The following FAM135B variants were observed in gnomAD, a reference collection of about 807,000 sequenced individuals.
FAM135B encodes protein FAM135B.
FAM135B carries 43 observed loss-of-function variants against 127.7 expected under a neutral mutation model. The ratio of observed to expected loss-of-function variants is 0.34; its 90% CI spans 0.26 to 0.43. The LOEUF is 0.43. Ranked by LOEUF, FAM135B falls within the 20% of genes least tolerant of loss-of-function variation. The pLI is 1.00. For missense variants in FAM135B, 1,558 were observed against 1,725.6 expected, an observed-to-expected ratio of 0.90 and a Z score of 1.72; for synonymous variants, 670 against 665.1, an observed-to-expected ratio of 1.01 and a Z score of -0.11.
chr8:138,344,573 CTTTCTT>C (rs1361669133), intron 2 of FAM135B, among the ~76,000 whole-genome samples: 63 of 113,576 alleles, frequency 5.5e-4, no homozygotes, highest in Non-Finnish European at 5.4e-4. Context: ...CACTTTCTTT[CTTTCTT>C]TTTTTTTTTT....
At chr8:138,425,996 T>TATATATACAC (rs1834833378) in intron 1 of FAM135B, among the ~76,000 whole-genome samples, 1 of 16,306 alleles carries the variant, frequency 6.1e-5, no homozygotes, top group African/African-American at 6.2e-4. Context: ...TATATATATA[T>TATATATACAC]ATATATATAT....
intron 1 of FAM135B, among the ~76,000 whole-genome samples, chr8:138,417,466 C>T (rs985883204): frequency 4.6e-5 from 7 of 152,172 alleles, no homozygotes; most frequent in African/African-American, 9.7e-5. Flanking sequence ...AGTGCTCACT[C>T]GCCCACAATC....
upstream of FAM135B, among the ~76,000 whole-genome samples, chr8:138,497,679 G>C (rs924244983): frequency 2.6e-5 from 4 of 152,158 alleles, no homozygotes; most frequent in Non-Finnish European, 5.9e-5. Flanking sequence ...CCCGTCATCC[G>C]ATGGGCTCCT....
At chr8:138,167,839 C>T (rs2130898009) in intron 12 of FAM135B, 56 bp downstream of exon 12, 1 of 1,531,902 alleles carries the variant, frequency 6.5e-7, no homozygotes, top group East Asian at 2.4e-5. Context: ...GTGCCATTGT[C>T]AGAATCCCAC....
At chr8:138,420,064 G>A (rs531299763) in intron 1 of FAM135B, among the ~76,000 whole-genome samples, 1 of 151,906 alleles carries the variant, frequency 6.6e-6, no homozygotes, top group Non-Finnish European at 1.5e-5. Context: ...CTGGTTCTTT[G>A]AAAAAATAAG....
Position 138,255,622 on chromosome 8 carries a change from A to G in FAM135B, c.368+1067T>C, listed in dbSNP as rs553008978. Among the ~76,000 whole-genome samples the G allele has an allele frequency of 6.6e-5, 10 of 152,286 alleles. No individual in the cohort carries two copies. In the South Asian group the frequency reaches 2.1e-3, roughly 32 times the overall value. On this transcript the variant is annotated intron_variant, in intron 5 of 19. Coordinates refer to ENST00000395297, the MANE Select transcript of FAM135B (RefSeq NM_015912.4). ...TCTGTGTCCTTTTCCCATGGGCCAG[A>G]TGTGTGTGCTTTGGAAAAGTATCCA...
At chr8:138,379,594 G>T (rs931856422) in intron 1 of FAM135B, among the ~76,000 whole-genome samples, 2 of 151,998 alleles carry the variant, frequency 1.3e-5, no homozygotes, top group Non-Finnish European at 2.9e-5. Context: ...CAACGTCCAG[G>T]GCCCAGGTAC....
At chr8:138,397,615 T>C (rs140947374) in intron 1 of FAM135B, among the ~76,000 whole-genome samples, 2 of 152,244 alleles carry the variant, frequency 1.3e-5, no homozygotes, top group East Asian at 1.9e-4. Flanking sequence ...TAATTAGCTA[T>C]CCATATTATT....
chr8:138,226,163 G>GTGTGTGTGTGTA (rs1819414855), intron 7 of FAM135B, among the ~76,000 whole-genome samples: 2 of 141,970 alleles, frequency 1.4e-5, no homozygotes, highest in African/African-American at 5.5e-5. Context: ...GTGTGTGTGT[G>GTGTGTGTGTGTA]TGTGTGTGTG....
intron 2 of FAM135B, among the ~76,000 whole-genome samples, chr8:138,331,658 G>A (rs1289819926): frequency 6.7e-6 from 1 of 148,716 alleles, no homozygotes; most frequent in Non-Finnish European, 1.5e-5. Context: ...ACTAATTAGT[G>A]GAGGACTGAA....
intron 3 of FAM135B, among the ~76,000 whole-genome samples, chr8:138,287,451 T>TC (rs1442507572): frequency 1.3e-5 from 2 of 149,506 alleles, no homozygotes; most frequent in African/African-American, 4.9e-5. Flanking sequence ...AGTCTTTTTT[T>TC]TTTTTTTTTT....
chr8:138,252,261 G>T (rs1277643804), intron 5 of FAM135B, among the ~76,000 whole-genome samples: 1 of 152,196 alleles, frequency 6.6e-6, no homozygotes, highest in African/African-American at 2.4e-5. Flanking sequence ...AATCACAGGA[G>T]GTATTTATTG....
At chr8:138,291,055 G>A (rs879674626) in intron 3 of FAM135B, among the ~76,000 whole-genome samples, 19 of 152,090 alleles carry the variant, frequency 1.2e-4, no homozygotes, top group Admixed American at 1.0e-3. Context: ...ATACCCTGGC[G>A]TATGTTCTTG....
intron 4 of FAM135B, among the ~76,000 whole-genome samples, chr8:138,259,641 A>T (rs973597195): frequency 6.6e-6 from 1 of 152,182 alleles, no homozygotes; most frequent in African/African-American, 2.4e-5. Flanking sequence ...TCACAAACAC[A>T]GACTTTGTGA....
intron 1 of FAM135B, among the ~76,000 whole-genome samples, chr8:138,494,057 C>T (rs565630209): frequency 2.5e-4 from 30 of 121,544 alleles, no homozygotes; most frequent in African/African-American, 1.3e-3. Context: ...GGCCATTCAA[C>T]ACCAGATTTC....
At chr8:138,328,125 G>A (rs768239189) in intron 2 of FAM135B, among the ~76,000 whole-genome samples, 49 of 152,250 alleles carry the variant, frequency 3.2e-4, no homozygotes, top group Non-Finnish European at 4.9e-4. Context: ...GTTTTAGAAT[G>A]TAGGCCATGA....
At chr8:138,222,428 A>G (rs373115638) in intron 7 of FAM135B, among the ~76,000 whole-genome samples, 2 of 152,326 alleles carry the variant, frequency 1.3e-5, no homozygotes, top group Non-Finnish European at 2.9e-5. Flanking sequence ...CTGTCTGTCC[A>G]TAAAGCCAGG....
intron 2 of FAM135B, among the ~76,000 whole-genome samples, chr8:138,353,366 T>C (rs1049953783): frequency 1.3e-5 from 2 of 152,216 alleles, no homozygotes; most frequent in South Asian, 2.1e-4. Flanking sequence ...CCTGAGCTGA[T>C]ATCAGGATCC....
intron 1 of FAM135B, among the ~76,000 whole-genome samples, chr8:138,492,474 C>T (rs1434881310): frequency 6.6e-6 from 1 of 152,160 alleles, no homozygotes; most frequent in African/African-American, 2.4e-5. Context: ...TCTCGCTAAC[C>T]TGGCCTCTAT....
Sources: allele counts gnomAD v4.1 joint callset (sites outside exome capture counted in the v4.1 genomes callset), GRCh38; gene constraint gnomAD v4.1.1; transcripts MANE v1.5; gene names NCBI Gene and HGNC (gene_info 2026-07-23, HGNC 2026-07-21).